GMDS: variants seen among roughly 807,000 people sequenced by gnomAD.
The protein encoded by GMDS is GDP-mannose 4,6 dehydratase.
Under a neutral mutation model 49.9 loss-of-function variants are expected in GMDS, and 20 were observed. That is an observed-to-expected ratio of 0.40 (90% CI 0.28 to 0.58). GMDS has a LOEUF of 0.58. GMDS is among the 20% of genes least tolerant of loss of function. The probability of loss-of-function intolerance (pLI) is 0.42; values close to 1 mark genes in which losing one functional copy is unlikely to be tolerated. For missense variants in GMDS, 362 were observed against 481.4 expected, an observed-to-expected ratio of 0.75 and a Z score of 2.32; for synonymous variants, 177 against 178.6, an observed-to-expected ratio of 0.99 and a Z score of 0.07.
chr6:2,115,066 T>A (rs1774767856), intron 4 of GMDS, among the ~76,000 whole-genome samples: 1 of 152,206 alleles, frequency 6.6e-6, no homozygotes, highest in Admixed American at 6.5e-5. Flanking sequence ...AACCATCCTG[T>A]CTGAACAAGT....
At chr6:1,775,415 C>T (rs1768757612) in intron 7 of GMDS, among the ~76,000 whole-genome samples, 1 of 152,204 alleles carries the variant, frequency 6.6e-6, no homozygotes, top group South Asian at 2.1e-4. Flanking sequence ...TTGAAAAACT[C>T]TATTAATATG....
chr6:1,913,688 T>C (rs1761200515), intron 7 of GMDS, among the ~76,000 whole-genome samples: 2 of 152,334 alleles, frequency 1.3e-5, no homozygotes, highest in African/African-American at 4.8e-5. Flanking sequence ...AGTTGAATTC[T>C]AAGACCACCA....
At chr6:1,842,585 G>A (rs1032462197) in intron 7 of GMDS, among the ~76,000 whole-genome samples, 1 of 152,238 alleles carries the variant, frequency 6.6e-6, no homozygotes, top group Non-Finnish European at 1.5e-5. Context: ...GCAAAGAGAA[G>A]CCTGGGTCCT....
At chr6:1,894,877 T>G (rs1312282583) in intron 7 of GMDS, among the ~76,000 whole-genome samples, 1 of 152,204 alleles carries the variant, frequency 6.6e-6, no homozygotes, top group Non-Finnish European at 1.5e-5. Flanking sequence ...TTAGTTGAGG[T>G]ACGGGATTTT....
chr6:2,173,920 G>A (rs1011727020), intron 1 of GMDS, among the ~76,000 whole-genome samples: 2 of 152,104 alleles, frequency 1.3e-5, no homozygotes, highest in African/African-American at 2.4e-5. Flanking sequence ...GGTTAGCATC[G>A]CCAATTTACT....
intron 7 of GMDS, among the ~76,000 whole-genome samples, chr6:1,914,714 T>G (rs960590764): frequency 2.6e-5 from 4 of 152,186 alleles, no homozygotes; most frequent in African/African-American, 9.6e-5. Context: ...CTTAGTCTTG[T>G]GTCTCACAGG....
intron 7 of GMDS, among the ~76,000 whole-genome samples, chr6:1,889,942 T>A (rs1216138350): frequency 6.6e-6 from 1 of 152,156 alleles, no homozygotes; most frequent in African/African-American, 2.4e-5. Context: ...TGTCCATTAG[T>A]GCTTTTTATG....
chr6:1,904,391 A>G (rs1009127082), intron 7 of GMDS, among the ~76,000 whole-genome samples: 7 of 152,126 alleles, frequency 4.6e-5, no homozygotes, highest in African/African-American at 1.7e-4. Flanking sequence ...CCTTCCTGAG[A>G]GCAAAGGCCA....
At chr6:2,053,639 A>G (rs189732741) in intron 4 of GMDS, among the ~76,000 whole-genome samples, 4 of 152,240 alleles carry the variant, frequency 2.6e-5, no homozygotes, top group African/African-American at 4.8e-5. Context: ...TAGAAGAGTG[A>G]GACATACATT....
chr6:1,857,972 T>C (rs1758011947), intron 7 of GMDS, among the ~76,000 whole-genome samples: 1 of 152,196 alleles, frequency 6.6e-6, no homozygotes, highest in African/African-American at 2.4e-5. Context: ...TGACCATCAA[T>C]GTCACACCAT....
chr6:1,768,574 T>G (rs935934555), intron 7 of GMDS, among the ~76,000 whole-genome samples: 13 of 152,230 alleles, frequency 8.5e-5, no homozygotes, highest in Admixed American at 6.5e-4. Flanking sequence ...ATATACAGGT[T>G]GAGTACCCCA....
At chr6:1,746,048 CCTGATGGATGGCA>C (rs1767482608) in intron 7 of GMDS, among the ~76,000 whole-genome samples, 2 of 152,316 alleles carry the variant, frequency 1.3e-5, no homozygotes, top group South Asian at 4.1e-4. Flanking sequence ...CCATTGATTC[CCTGATGGATGGCA>C]CAACTGAGGC....
In GMDS at chr6:1,705,407, C is replaced by T. The variant is rs28385624; in HGVS notation, c.987+21009G>A. ...CTCTGTCCCCTGCCCCTTGTACTCT[C>T]GATAGGCAGGTGGTAAGTTTGTAGT... On this transcript the variant is annotated intron_variant, in intron 9 of 10. Coordinates refer to ENST00000380815, the MANE Select transcript of GMDS (RefSeq NM_001500.4). Among the ~76,000 whole-genome samples the T allele has an allele frequency of 5.2e-3, 788 of 152,282 alleles. 1 individual carries two copies. Among genetic ancestry groups the T allele is most frequent in the Non-Finnish European group, 9.4e-3 (637 of 68,022 alleles).
At chr6:1,893,728 A>G (rs1760008880) in intron 7 of GMDS, among the ~76,000 whole-genome samples, 2 of 152,250 alleles carry the variant, frequency 1.3e-5, no homozygotes, top group East Asian at 3.8e-4. Flanking sequence ...TATTGAAGCT[A>G]CACTGGACTC....
At chr6:1,977,285 T>C (rs1764958910) in intron 4 of GMDS, among the ~76,000 whole-genome samples, 1 of 152,192 alleles carries the variant, frequency 6.6e-6, no homozygotes, top group South Asian at 2.1e-4. Context: ...AAATCCATAT[T>C]TTGCCAATAA....
chr6:1,941,827 G>T lies in GMDS; in HGVS notation c.644-11597C>A, dbSNP rs1463943752. On this transcript the variant is annotated intron_variant, in intron 6 of 10. Transcript: ENST00000380815. ...CAGACAGCTCCTCCAGGGCACAGGA[G>T]AGCAGGTAGGGAGAACACAAACGCA... Among the ~76,000 whole-genome samples, 3 of 152,304 alleles carry T rather than the reference G, an allele frequency of 2.0e-5. No individual in the cohort carries two copies. The East Asian group carries it at 5.8e-4, about 29-fold the overall frequency.
At chr6:1,682,480 G>A (rs1280047100) in intron 9 of GMDS, among the ~76,000 whole-genome samples, 2 of 152,230 alleles carry the variant, frequency 1.3e-5, no homozygotes, top group South Asian at 2.1e-4. Flanking sequence ...TGGGAGGACC[G>A]GGGACTCTGT....
intron 7 of GMDS, among the ~76,000 whole-genome samples, chr6:1,762,676 T>C (rs1768204837): frequency 6.6e-6 from 1 of 152,244 alleles, no homozygotes; most frequent in Non-Finnish European, 1.5e-5. Flanking sequence ...CTTCATGATT[T>C]CAACCTTCCC....
chr6:1,737,226 C>T (rs1252649399), intron 8 of GMDS, among the ~76,000 whole-genome samples: 2 of 152,116 alleles, frequency 1.3e-5, no homozygotes, highest in African/African-American at 4.8e-5. Flanking sequence ...AAACATTACC[C>T]ACCTCCCACA....
Sources: allele counts gnomAD v4.1 joint callset (sites outside exome capture counted in the v4.1 genomes callset), GRCh38; gene constraint gnomAD v4.1.1; transcripts MANE v1.5; gene names NCBI Gene and HGNC (gene_info 2026-07-23, HGNC 2026-07-21).